Variants in RIC3 observed in about 807,000 individuals in gnomAD.
The protein encoded by RIC3 is protein RIC-3.
Under a neutral mutation model 27.3 loss-of-function variants are expected in RIC3, and 28 were observed. The ratio of observed to expected loss-of-function variants is 1.02; its 90% confidence interval spans 0.76 to 1.41. RIC3 has a LOEUF of 1.41. Ranked by LOEUF, RIC3 falls within the 40% of genes most tolerant of loss-of-function variation. The probability of loss-of-function intolerance (pLI) is 0.00; values close to 1 mark genes in which losing one functional copy is unlikely to be tolerated. For synonymous variants in RIC3, 184 were observed against 160.4 expected (o/e 1.15, Z -1.11); for missense variants, 501 against 444.7 (o/e 1.13, Z -1.14).
At chr11:8,101,847 TCTTTCC>T, downstream of RIC3, 2 of 507,000 alleles carry the variant, frequency 3.9e-6, no homozygotes, top group Non-Finnish European at 6.3e-6. Flanking sequence ...TGAGAATAAT[TCTTTCC>T]ATGCCACGAG....
At chr11:8,167,127 G>C (rs1951763557) in intron 1 of RIC3, among the ~76,000 whole-genome samples, 2 of 152,128 alleles carry the variant, frequency 1.3e-5, no homozygotes, top group Admixed American at 1.3e-4. Context: ...AGAATTTACA[G>C]TATTGGTAGC....
At position 8,110,649 on chromosome 11, in the gene RIC3, G is replaced by A. The variant is rs1945134519; in HGVS notation, c.*49C>T. The A allele has an allele frequency of 6.5e-7, 1 of 1,531,480 alleles. No individual in the cohort carries two copies. Among genetic ancestry groups the A allele is most frequent in the Non-Finnish European group, 9.0e-7 (1 of 1,106,084 alleles). The allele number at this position is 1,531,480 out of a possible 1,614,324, so 94.9% of individuals were successfully genotyped here. On this transcript the variant is annotated 3_prime_UTR_variant, in exon 6 of 6. Coordinates refer to ENST00000309737, the MANE Select transcript of RIC3 (RefSeq NM_001206671.4). ...GGGCCAAGAAGGAAATCTGAGGAGA[G>A]AGAGGTCACCTTGGGACTTGAGTAA... is the stretch of plus-strand genomic sequence containing the variant.
intron 1 of RIC3, among the ~76,000 whole-genome samples, chr11:8,162,706 T>G (rs919517487): frequency 7.2e-6 from 1 of 139,550 alleles, no homozygotes; most frequent in Non-Finnish European, 1.5e-5. Flanking sequence ...AATGCAGTGG[T>G]GGGATCTCAG....
intron 1 of RIC3, among the ~76,000 whole-genome samples, chr11:8,149,493 G>C (rs1283241279): frequency 1.3e-5 from 2 of 152,140 alleles, no homozygotes; most frequent in Non-Finnish European, 2.9e-5. Flanking sequence ...GGTACTTGAT[G>C]GGGATTAATC....
intron 1 of RIC3, among the ~76,000 whole-genome samples, chr11:8,168,053 C>A (rs923002374): frequency 3.3e-5 from 5 of 152,058 alleles, no homozygotes; most frequent in Non-Finnish European, 7.4e-5. Context: ...GTTCAGACAC[C>A]GTAAAATCAT....
chr11:8,145,956 G>A (rs1949633353), intron 1 of RIC3, among the ~76,000 whole-genome samples: 4 of 152,176 alleles, frequency 2.6e-5, no homozygotes, highest in Admixed American at 1.3e-4. Context: ...CAGATATTCT[G>A]CCTAGTGATC....
chr11:8,151,346 G>A (rs1465737313), intron 1 of RIC3, among the ~76,000 whole-genome samples: 1 of 151,978 alleles, frequency 6.6e-6, no homozygotes, highest in Admixed American at 6.6e-5. Flanking sequence ...CCAGCACTTT[G>A]GGAGGCCGAG....
downstream of RIC3, chr11:8,101,462 G>A (rs1391538680): frequency 2.9e-6 from 3 of 1,028,976 alleles, no homozygotes; most frequent in East Asian, 9.2e-5. Flanking sequence ...CCTTTTCTCT[G>A]TCTGTGCCTG....
the RIC3 span, among the ~76,000 whole-genome samples, chr11:8,096,518 T>C: frequency 6.6e-6 from 1 of 152,174 alleles, no homozygotes. Context: ...TGTGGGAATA[T>C]ATGTGTGAAT....
Position 8,110,397 on chromosome 11 carries a change from A to T in RIC3, c.*301T>A. On this transcript the variant is annotated 3_prime_UTR_variant, in exon 6 of 6. Transcript: ENST00000309737. ...AGGAAGAGTCAGACCTTTGCCCCTG[A>T]GTGGTCCCATCTGTAATTACAATAG... is the stretch of plus-strand genomic sequence containing the variant. 2 of 455,872 alleles carry T rather than the reference A, an allele frequency of 4.4e-6. No homozygotes were observed. Among genetic ancestry groups the T allele is most frequent in the Non-Finnish European group, 8.1e-6 (2 of 246,060 alleles). 28.2% of individuals were successfully genotyped at this position (455,872 alleles called of 1,614,324 possible).
chr11:8,101,419 T>C (rs1488509400), downstream of RIC3: 5 of 1,596,872 alleles, frequency 3.1e-6, no homozygotes, highest in South Asian at 1.1e-5. Flanking sequence ...GGTGTCTGTC[T>C]ATCCTTCCCT....
At chr11:8,151,395 G>C (rs1950207445) in intron 1 of RIC3, among the ~76,000 whole-genome samples, 1 of 151,314 alleles carries the variant, frequency 6.6e-6, no homozygotes, top group Non-Finnish European at 1.5e-5. Flanking sequence ...AGACCATCCT[G>C]GCTAACACGG....
intron 1 of RIC3, among the ~76,000 whole-genome samples, chr11:8,146,391 G>A (rs1949681828): frequency 6.6e-6 from 1 of 152,194 alleles, no homozygotes; most frequent in Non-Finnish European, 1.5e-5. Context: ...CAGAGTAGGT[G>A]CATATGAATA....
chr11:8,165,671 G>A (rs984680253), intron 1 of RIC3, among the ~76,000 whole-genome samples: 6 of 146,266 alleles, frequency 4.1e-5, no homozygotes, highest in Admixed American at 3.5e-4. Flanking sequence ...TTAAGTGGGT[G>A]AATTGTATGA....
chr11:8,138,405 C>T, intron 2 of RIC3, 58 bp from the exon 3 acceptor site: 1 of 1,030,788 alleles, frequency 9.7e-7, no homozygotes, highest in Non-Finnish European at 1.4e-6. Context: ...AGTCACGGAA[C>T]CCCTCATATC....
intron 1 of RIC3, among the ~76,000 whole-genome samples, chr11:8,147,244 T>A (rs1949779210): frequency 6.6e-6 from 1 of 152,202 alleles, no homozygotes; most frequent in Non-Finnish European, 1.5e-5. Context: ...CATGTCTCCC[T>A]AAAATGTATA....
chr11:8,126,826 T>A lies in RIC3; in HGVS notation c.522-19A>T. The A allele has an allele frequency of 6.2e-7, 1 of 1,613,696 alleles. No homozygotes were observed. Among genetic ancestry groups the A allele is most frequent in the Non-Finnish European group, 8.5e-7 (1 of 1,179,976 alleles). On this transcript the variant is annotated intron_variant, in intron 4 of 5. Transcript: ENST00000309737. Reference sequence around the variant, plus strand: ...TGCTCTGCTTAGAAATATCAGACAATCCAACCATTTAGTGGTAAATACTCC... The same window carrying A: ...TGCTCTGCTTAGAAATATCAGACAAACCAACCATTTAGTGGTAAATACTCC...
At chr11:8,134,937 T>C (rs1444052844) in intron 4 of RIC3, among the ~76,000 whole-genome samples, 1 of 152,234 alleles carries the variant, frequency 6.6e-6, no homozygotes, top group Non-Finnish European at 1.5e-5. Flanking sequence ...TCCCATTCTG[T>C]AGGTTGCCTG....
chr11:8,127,389 G>A (rs1397372520), intron 4 of RIC3, among the ~76,000 whole-genome samples: 1 of 152,170 alleles, frequency 6.6e-6, no homozygotes, highest in African/African-American at 2.4e-5. Flanking sequence ...CCACAGAGGA[G>A]AAATATTGTT....
Sources: gnomAD v4.1 joint callset for allele counts (sites outside exome capture counted in the v4.1 genomes callset) on GRCh38, gnomAD v4.1.1 for gene constraint, MANE v1.5 for transcripts, NCBI Gene and HGNC (gene_info 2026-07-23, HGNC 2026-07-21) for gene names.